USP12: variants seen among roughly 807,000 people sequenced by gnomAD.
The protein encoded by USP12 is ubiquitin carboxyl-terminal hydrolase 12.
In USP12, 19 loss-of-function variants were observed where a neutral mutation model predicts 45.5. The observed-to-expected ratio is 0.42, with a 90% CI of 0.29 to 0.61. The LOEUF (loss-of-function observed/expected upper bound fraction) is 0.61, where lower values mean the gene tolerates loss of function less well. Among genes scored for constraint, USP12 ranks in the 20% least tolerant of loss-of-function variants. USP12 has a pLI of 0.22. For missense variants in USP12, 242 were observed against 447.7 expected, an observed-to-expected ratio of 0.54 and a Z score of 4.15; for synonymous variants, 149 against 148.8, an observed-to-expected ratio of 1.00 and a Z score of -0.01.
chr13:27,069,526 C>CA, intron 8 of USP12, 142 bp from the exon 9 acceptor site: 1 of 645,154 alleles, frequency 1.6e-6, no homozygotes, highest in Non-Finnish European at 2.7e-6. Context: ...CAGGGCACAC[C>CA]AAAAAAATGT....
chr13:27,106,126 A>G (rs1281086898), intron 2 of USP12, among the ~76,000 whole-genome samples, 182 bp from the exon 3 acceptor site: 1 of 152,126 alleles, frequency 6.6e-6, no homozygotes, highest in Admixed American at 6.6e-5. Flanking sequence ...GAAATCACAA[A>G]AGTAAAGTTT....
At chr13:27,097,160 T>A (rs1280658234) in intron 3 of USP12, among the ~76,000 whole-genome samples, 2 of 148,636 alleles carry the variant, frequency 1.3e-5, no homozygotes, top group African/African-American at 2.5e-5. Context: ...AATCCCATAG[T>A]AAGTTTAAAA....
At chr13:27,122,278 G>A (rs913509922) in intron 1 of USP12, among the ~76,000 whole-genome samples, 2 of 152,026 alleles carry the variant, frequency 1.3e-5, no homozygotes, top group African/African-American at 2.4e-5. Flanking sequence ...TAGTGAATAC[G>A]TTTCATGAGA....
At chr13:27,154,549 A>T (rs991513632) in intron 1 of USP12, among the ~76,000 whole-genome samples, 1 of 152,178 alleles carries the variant, frequency 6.6e-6, no homozygotes, top group African/African-American at 2.4e-5. Context: ...ATGTTTACAA[A>T]TCCACTCAAC....
intron 6 of USP12, 117 bp from the exon 7 acceptor site, chr13:27,075,505 G>A (rs1197696991): frequency 1.3e-5 from 11 of 877,198 alleles, no homozygotes; most frequent in African/African-American, 1.2e-4. Context: ...TAATAGCCCA[G>A]CAATGCCCAG....
intron 1 of USP12, among the ~76,000 whole-genome samples, chr13:27,141,998 T>C (rs939008292): frequency 4.2e-5 from 6 of 143,074 alleles, no homozygotes; most frequent in Admixed American, 1.3e-4. Flanking sequence ...GGCGTGTGCC[T>C]GCAGTCCCAG....
chr13:27,133,231 C>T (rs1209043158), intron 1 of USP12, among the ~76,000 whole-genome samples: 1 of 151,640 alleles, frequency 6.6e-6, no homozygotes, highest in Non-Finnish European at 1.5e-5. Context: ...AAACACCACA[C>T]TCACCACACT....
chr13:27,124,470 CTA>C (rs771295176), intron 1 of USP12, among the ~76,000 whole-genome samples: 1 of 152,152 alleles, frequency 6.6e-6, no homozygotes, highest in Non-Finnish European at 1.5e-5. Context: ...AATAGCCAAA[CTA>C]TTAGTTTCCA....
At chr13:27,133,626 C>CAAAAA (rs11365356) in intron 1 of USP12, among the ~76,000 whole-genome samples, 1 of 103,424 alleles carries the variant, frequency 9.7e-6, no homozygotes, top group Non-Finnish European at 2.0e-5. Context: ...GACTCTGTCT[C>CAAAAA]AAAAAAAAAA....
chr13:27,093,307 C>A (rs1459761913), intron 4 of USP12, among the ~76,000 whole-genome samples: 1 of 41,382 alleles, frequency 2.4e-5, no homozygotes, highest in Non-Finnish European at 7.5e-5. Flanking sequence ...AAAATTATAC[C>A]CGAAAAAAAA....
chr13:27,156,219 GAA>G (rs56139734), intron 1 of USP12, among the ~76,000 whole-genome samples: 3,035 of 141,836 alleles, frequency 0.021, 75 homozygotes, highest in African/African-American at 0.063. Context: ...CTCCTGCAAG[GAA>G]AAAAAAAAAA....
intron 1 of USP12, among the ~76,000 whole-genome samples, chr13:27,134,992 T>C (rs1182662395): frequency 6.6e-6 from 1 of 152,124 alleles, no homozygotes; most frequent in African/African-American, 2.4e-5. Context: ...TAAAAATATA[T>C]CCTAAAACAA....
At chr13:27,111,369 G>A (rs1328145844) in intron 2 of USP12, among the ~76,000 whole-genome samples, 1 of 152,038 alleles carries the variant, frequency 6.6e-6, no homozygotes, top group Non-Finnish European at 1.5e-5. Flanking sequence ...CTATATTCTT[G>A]TTTGTGAATG....
chr13:27,161,543 A>T (rs1195505576), intron 1 of USP12, among the ~76,000 whole-genome samples: 1 of 132,208 alleles, frequency 7.6e-6, no homozygotes, highest in Non-Finnish European at 1.6e-5. Flanking sequence ...TTATACCTTT[A>T]AAAAAAAATG....
Position 27,105,714 on chromosome 13 carries a change from G to C in USP12, c.343+17C>G. On this transcript the variant is annotated intron_variant, in intron 3 of 8. Coordinates refer to ENST00000282344, the MANE Select transcript of USP12 (RefSeq NM_182488.4). Reference sequence around the variant, plus strand: ...ACCTTCCTAGTATGTCATTAATACAGTGGGAAGTAGAATTACCATTTTCTT... The same window carrying C: ...ACCTTCCTAGTATGTCATTAATACACTGGGAAGTAGAATTACCATTTTCTT... The C allele has an allele frequency of 6.2e-7, 1 of 1,607,518 alleles. No homozygotes were observed. Among genetic ancestry groups the C allele is most frequent in the Non-Finnish European group, 8.5e-7 (1 of 1,174,898 alleles).
intron 6 of USP12, chr13:27,077,801 A>C (rs963822986): frequency 2.0e-5 from 3 of 152,174 alleles, no homozygotes; most frequent in Non-Finnish European, 2.9e-5. Flanking sequence ...TCAAAACACT[A>C]AGGTCACCAA....
At chr13:27,170,596 G>A (rs1407288109) in intron 1 of USP12, among the ~76,000 whole-genome samples, 2 of 152,190 alleles carry the variant, frequency 1.3e-5, no homozygotes, top group Admixed American at 1.3e-4. Context: ...TTCTGGCCAC[G>A]CACAAAACAC....
At position 27,108,642 on chromosome 13, in the gene USP12, T is replaced by C. The variant is rs191872111; in HGVS notation, c.130-2698A>G. Reference sequence around the variant, plus strand: ...GCAATGGACCAAAACACACCAACTATACAAAAATTCATAAATTTAAAATGA... The same window carrying C: ...GCAATGGACCAAAACACACCAACTACACAAAAATTCATAAATTTAAAATGA... On this transcript the variant is annotated intron_variant, in intron 2 of 8. Coordinates refer to ENST00000282344, the MANE Select transcript of USP12 (RefSeq NM_182488.4). 3.3e-5 allele frequency among the ~76,000 whole-genome samples: 5 copies of C among 152,194 alleles called. No homozygotes were observed. In the East Asian group the frequency reaches 9.7e-4, roughly 29 times the overall value.
At chr13:27,170,926 A>T (rs1220873067) in intron 1 of USP12, among the ~76,000 whole-genome samples, 1 of 152,196 alleles carries the variant, frequency 6.6e-6, no homozygotes, top group East Asian at 1.9e-4. Flanking sequence ...AACAGTACTT[A>T]TTTAAAGTTT....
Sources: gnomAD v4.1 joint callset for allele counts (sites outside exome capture counted in the v4.1 genomes callset) on GRCh38, gnomAD v4.1.1 for gene constraint, MANE v1.5 for transcripts, NCBI Gene and HGNC (gene_info 2026-07-23, HGNC 2026-07-21) for gene names.